Variants in SEMA6D observed in about 807,000 individuals in gnomAD.
SEMA6D encodes the protein semaphorin-6D.
A neutral mutation model predicts 106.6 loss-of-function variants in SEMA6D; 35 were observed. The observed-to-expected ratio is 0.33, with a 90% CI of 0.25 to 0.44. The LOEUF (loss-of-function observed/expected upper bound fraction) is 0.44. Ranked by LOEUF, SEMA6D falls within the 20% of genes least tolerant of loss-of-function variation. The pLI is 1.00. For missense variants in SEMA6D, 1,185 were observed against 1,345.9 expected (o/e 0.88, Z 1.87); for synonymous variants, 499 against 487.7 (o/e 1.02, Z -0.31).
intron 1 of SEMA6D, among the ~76,000 whole-genome samples, chr15:47,384,537 G>A (rs927415903): frequency 3.3e-5 from 5 of 152,204 alleles, no homozygotes; most frequent in Admixed American, 6.5e-5. Flanking sequence ...TGAGCAGTGA[G>A]CAGGGGCCAG....
intron 4 of SEMA6D, among the ~76,000 whole-genome samples, chr15:47,652,629 T>G (rs1486937248): frequency 6.6e-6 from 1 of 152,188 alleles, no homozygotes; most frequent in African/African-American, 2.4e-5. Flanking sequence ...CCACTTCACG[T>G]ATAGACTGCT....
chr15:47,333,618 G>C (rs2037432472), intron 1 of SEMA6D, among the ~76,000 whole-genome samples: 2 of 152,146 alleles, frequency 1.3e-5, no homozygotes, highest in African/African-American at 2.4e-5. Context: ...CATTCACTCA[G>C]TCAGTCAGCA....
chr15:47,262,332 A>G (rs1284909931), intron 1 of SEMA6D, among the ~76,000 whole-genome samples: 1 of 152,150 alleles, frequency 6.6e-6, no homozygotes, highest in African/African-American at 2.4e-5. Context: ...TGCTATGAAG[A>G]AATACTCGAG....
At chr15:47,534,237 C>A (rs1357980726) in intron 3 of SEMA6D, among the ~76,000 whole-genome samples, 1 of 152,132 alleles carries the variant, frequency 6.6e-6, no homozygotes, top group African/African-American at 2.4e-5. Flanking sequence ...GTCACCCAGG[C>A]TGGAGTACAG....
intron 4 of SEMA6D, among the ~76,000 whole-genome samples, chr15:47,670,632 T>A (rs1262848409): frequency 6.6e-6 from 1 of 152,214 alleles, no homozygotes; most frequent in Non-Finnish European, 1.5e-5. Flanking sequence ...GATTAAAGTA[T>A]TTAAGGGATT....
At chr15:47,752,396 A>G (rs2081489213) in intron 1 of SEMA6D, among the ~76,000 whole-genome samples, 1 of 152,218 alleles carries the variant, frequency 6.6e-6, no homozygotes, top group Non-Finnish European at 1.5e-5. Flanking sequence ...GTAGGTCATC[A>G]GTCTCTACTG....
At chr15:47,571,662 G>A (rs753318018) in intron 3 of SEMA6D, among the ~76,000 whole-genome samples, 11 of 152,196 alleles carry the variant, frequency 7.2e-5, no homozygotes, top group Non-Finnish European at 5.9e-5. Context: ...TTTAACAGCT[G>A]TGGTTTAGGC....
chr15:47,656,084 T>C lies in SEMA6D; in HGVS notation c.-55+55188T>C, dbSNP rs939510371. ...ATGCTGACATACTGTCTAATGTTCC[T>C]AAACACAAGAAGGCTGTGATGTGCA... On this transcript the variant is annotated intron_variant, in intron 4 of 19. Coordinates refer to the SEMA6D transcript ENST00000558014. Among the ~76,000 whole-genome samples, 3 of 152,366 alleles carry C rather than the reference T, an allele frequency of 2.0e-5. No homozygotes were observed. The South Asian group carries it at 6.2e-4, about 32-fold the overall frequency.
intron 2 of SEMA6D, among the ~76,000 whole-genome samples, chr15:47,436,800 G>T (rs996417488): frequency 1.3e-5 from 2 of 148,808 alleles, no homozygotes; most frequent in African/African-American, 4.9e-5. Context: ...TGGAAGTGGT[G>T]GTGCATGCCT....
chr15:47,319,216 T>G (rs540796275), intron 1 of SEMA6D, among the ~76,000 whole-genome samples: 2 of 152,354 alleles, frequency 1.3e-5, no homozygotes, highest in African/African-American at 4.8e-5. Flanking sequence ...GAATGTTGTC[T>G]ACTTTATTCA....
At chr15:47,591,592 G>C (rs918182335) in intron 3 of SEMA6D, among the ~76,000 whole-genome samples, 10 of 152,168 alleles carry the variant, frequency 6.6e-5, no homozygotes, top group Non-Finnish European at 1.5e-4. Context: ...ATTGACCTAA[G>C]CTCAAAAGTT....
chr15:47,665,486 G>A (rs1451702183), intron 4 of SEMA6D, among the ~76,000 whole-genome samples: 3 of 152,088 alleles, frequency 2.0e-5, no homozygotes, highest in Admixed American at 6.6e-5. Flanking sequence ...GGGCAGACTT[G>A]GGCTGGACAA....
chr15:47,341,441 C>T (rs2037809269), intron 1 of SEMA6D, among the ~76,000 whole-genome samples: 1 of 152,072 alleles, frequency 6.6e-6, no homozygotes, highest in Non-Finnish European at 1.5e-5. Context: ...GAGACCCCAT[C>T]TAATTTCTGT....
chr15:47,243,268 C>T (rs548679320), intron 1 of SEMA6D, among the ~76,000 whole-genome samples: 1 of 152,214 alleles, frequency 6.6e-6, no homozygotes, highest in Non-Finnish European at 1.5e-5. Context: ...ACTTCACTCT[C>T]AAAATCTCCT....
In SEMA6D at chr15:47,566,352, A is replaced by T. The variant is rs139433155; in HGVS notation, c.-86-34513A>T. Among the ~76,000 whole-genome samples the T allele has an allele frequency of 9.9e-3, 1,513 of 152,346 alleles. 10 individuals are homozygous for T. Among genetic ancestry groups the T allele is most frequent in the Admixed American group, 0.021 (319 of 15,306 alleles). ...TCCAGTAGTAATGAGTGGAGAGAGT[A>T]GGAGGCAGACAATGGGGAAGAGGAA... On this transcript the variant is annotated intron_variant, in intron 3 of 19. Transcript: ENST00000558014.
At chr15:47,483,584 C>T (rs1226730730) in intron 3 of SEMA6D, among the ~76,000 whole-genome samples, 1 of 152,066 alleles carries the variant, frequency 6.6e-6, no homozygotes, top group African/African-American at 2.4e-5. Flanking sequence ...CTATCAATTA[C>T]AGTACCAGGA....
intron 4 of SEMA6D, among the ~76,000 whole-genome samples, chr15:47,682,491 A>G (rs1473850265): frequency 6.6e-6 from 1 of 152,162 alleles, no homozygotes; most frequent in Non-Finnish European, 1.5e-5. Flanking sequence ...TGTGTCAGTT[A>G]TCTTTGCAAT....
At chr15:47,477,391 TG>T (rs1342925723) in intron 3 of SEMA6D, among the ~76,000 whole-genome samples, 1 of 152,138 alleles carries the variant, frequency 6.6e-6, no homozygotes. Context: ...AGAGCTTACA[TG>T]CCCAACCCTG....
At chr15:47,581,971 C>T (rs961231101) in intron 3 of SEMA6D, among the ~76,000 whole-genome samples, 4 of 152,128 alleles carry the variant, frequency 2.6e-5, no homozygotes, top group Non-Finnish European at 5.9e-5. Flanking sequence ...AAGAGGATAT[C>T]GATTGGGAAA....
Sources: allele counts gnomAD v4.1 joint callset (sites outside exome capture counted in the v4.1 genomes callset), GRCh38; gene constraint gnomAD v4.1.1; transcripts MANE v1.5; gene names NCBI Gene and HGNC (gene_info 2026-07-23, HGNC 2026-07-21).